COL20A1: variants seen among roughly 807,000 people sequenced by gnomAD.
COL20A1 encodes the protein collagen alpha-1(XX) chain.
COL20A1 carries 164 observed loss-of-function variants against 152.9 expected under a neutral mutation model. The observed-to-expected ratio is 1.07, with a 90% CI of 0.94 to 1.22. The LOEUF (loss-of-function observed/expected upper bound fraction) is 1.22. Ranked by LOEUF, COL20A1 falls within the 50% of genes most tolerant of loss-of-function variation. The pLI is 0.00. For missense variants in COL20A1, 1,873 were observed against 1,744.8 expected (o/e 1.07, Z -1.31); for synonymous variants, 864 against 756.0 (o/e 1.14, Z -2.34).
intron 29 of COL20A1, 80 bp from the exon 30 acceptor site, chr20:63,326,016 T>G: frequency 7.9e-7 from 1 of 1,272,158 alleles, no homozygotes; most frequent in Non-Finnish European, 1.1e-6. Context: ...GTGTGTTGGG[T>G]GCTGCTGGGG....
In COL20A1 at chr20:63,319,400, C is replaced by A; in HGVS notation, c.2807-87C>A. 1 of 1,174,504 alleles carries A rather than the reference C, an allele frequency of 8.5e-7. No homozygotes were observed. The highest frequency in any genetic ancestry group is 2.2e-5 in the Admixed American group (1 of 46,178). The allele number at this position is 1,174,504 out of a possible 1,614,324, so 72.8% of individuals were successfully genotyped here. On this transcript the variant is annotated intron_variant, in intron 22 of 35. Coordinates refer to ENST00000358894, the MANE Select transcript of COL20A1 (RefSeq NM_020882.4). This position sits in a 1 kb window ranked among gnomAD's most constrained non-coding sequence, Gnocchi z 4.4. ...CAGCTTGGCACCCTCAGGGCTGCTCCTGTCCTGTCGTGGGGGCCGCCCTGC... is the reference window on the plus strand; with the variant it reads ...CAGCTTGGCACCCTCAGGGCTGCTCATGTCCTGTCGTGGGGGCCGCCCTGC...
rs189188994 is a variant in COL20A1, at chr20:63,297,244, A to C, written c.83-666A>C. Reference sequence around the variant, plus strand: ...TTGTCCTGGGGACCCAGCCCAGGGGACTCAGCCCAGGGGCCCCAGCCCAGG... The same window carrying C: ...TTGTCCTGGGGACCCAGCCCAGGGGCCTCAGCCCAGGGGCCCCAGCCCAGG... On this transcript the variant is annotated intron_variant, in intron 2 of 35. Transcript: ENST00000358894. Among the ~76,000 whole-genome samples the C allele has an allele frequency of 7.4e-3, 1,112 of 151,284 alleles. 18 individuals are homozygous for C. The highest frequency in any genetic ancestry group is 0.025 in the African/African-American group (1,048 of 41,154).
intron 27 of COL20A1, chr20:63,325,098 G>A (rs2068223564): frequency 1.2e-5 from 5 of 430,796 alleles, no homozygotes; most frequent in South Asian, 7.9e-5. Context: ...CCCTCCCAGG[G>A]TGAGCAGTGA....
At chr20:63,297,265 CCAGGGGACTTAGCT>C (rs1234873776) in intron 2 of COL20A1, among the ~76,000 whole-genome samples, 3 of 147,434 alleles carry the variant, frequency 2.0e-5, no homozygotes, top group African/African-American at 7.5e-5. Context: ...GGGCCCCAGC[CCAGGGGACTTAGCT>C]CAGGGGACCC....
Position 63,295,085 on chromosome 20 carries a change from T to G in COL20A1, c.-10-13T>G. 6.5e-7 allele frequency: 1 copy of G among 1,527,660 alleles called. No homozygotes were observed. Among genetic ancestry groups the G allele is most frequent in the Non-Finnish European group, 8.9e-7 (1 of 1,129,378 alleles). 94.6% of individuals were successfully genotyped at this position (1,527,660 alleles called of 1,614,324 possible). A position where few individuals can be genotyped will look rare whatever the true frequency, so the allele number is the denominator to read the frequency against. The stretch of plus-strand genomic sequence containing the variant: ...GGGGACGGCTGAAGGGCATGGCCTC[T>G]TCCCTGCCACAGCCCGAGCACCATG... On this transcript the variant is annotated splice_polypyrimidine_tract_variant and intron_variant, in intron 1 of 35. Transcript: ENST00000358894.
At chr20:63,327,018 C>T (rs2068260086) in intron 31 of COL20A1, among the ~76,000 whole-genome samples, 195 bp downstream of exon 31, 1 of 152,110 alleles carries the variant, frequency 6.6e-6, no homozygotes, top group Admixed American at 6.5e-5. Flanking sequence ...TTCCTGTTGA[C>T]CCCCCTAGGG....
chr20:63,316,537 C>T lies in COL20A1; in HGVS notation c.2525-16C>T, dbSNP rs1184578242. 1 of 1,583,870 alleles carries T rather than the reference C, an allele frequency of 6.3e-7. No individual in the cohort carries two copies. The highest frequency in any genetic ancestry group is 2.3e-5 in the East Asian group (1 of 43,374). Reference sequence around the variant, plus strand: ...TGAGGGTCCCTCGGTGCCCCTTCCCCCACCATCTTCCCCAGGGTTTGACCT... The same window carrying T: ...TGAGGGTCCCTCGGTGCCCCTTCCCTCACCATCTTCCCCAGGGTTTGACCT... On this transcript the variant is annotated splice_polypyrimidine_tract_variant and intron_variant, in intron 20 of 35. Coordinates refer to ENST00000358894, the MANE Select transcript of COL20A1 (RefSeq NM_020882.4).
intron 26 of COL20A1, among the ~76,000 whole-genome samples, chr20:63,321,822 T>C (rs1301978740): frequency 6.6e-6 from 1 of 152,154 alleles, no homozygotes; most frequent in Non-Finnish European, 1.5e-5. Context: ...CACAGCCTTG[T>C]CTACTCAGGG....
chr20:63,312,251 G>C (rs2068018719), intron 14 of COL20A1, among the ~76,000 whole-genome samples, 169 bp from the exon 15 acceptor site: 1 of 152,156 alleles, frequency 6.6e-6, no homozygotes. Context: ...GCCCACCCCA[G>C]CCGTCCTGCA....
rs753137491 is a variant in COL20A1, at chr20:63,310,482, C to T, written c.1365C>T (p.Gly455=). 7.6e-5 allele frequency: 122 copies of T among 1,604,110 alleles called. No individual in the cohort carries two copies. Among genetic ancestry groups the T allele is most frequent in the Admixed American group, 2.2e-4 (13 of 58,876 alleles). Residue 455 remains glycine (G), a synonymous_variant, in exon 11 of 36, where the codon GGC becomes GGT. Transcript: ENST00000358894. ...SVFPIYEGGV[G]EGLRGLVTTA... is the part of the protein sequence containing the mutation. The stretch of plus-strand genomic sequence containing the variant: ...TCCCCATCTATGAGGGCGGGGTTGG[C>T]GAAGGCCTGCGGGGCCTGGTGACCA...
chr20:63,308,856 G>A (rs1235316333), intron 8 of COL20A1, 150 bp downstream of exon 8: 2 of 746,300 alleles, frequency 2.7e-6, no homozygotes, highest in Non-Finnish European at 4.2e-6. Context: ...GCACCGCCTG[G>A]CACTCAGAGG....
In COL20A1 at chr20:63,326,797, G is replaced by T; in HGVS notation, c.3502G>T (p.Gly1168Ter). 6.7e-7 allele frequency: 1 copy of T among 1,500,298 alleles called. No individual in the cohort carries two copies. Among genetic ancestry groups the T allele is most frequent in the East Asian group, 2.7e-5 (1 of 36,872 alleles). 92.9% of individuals were successfully genotyped at this position (1,500,298 alleles called of 1,614,324 possible). The part of the protein sequence containing the change: ...AGARGTSGER[G>*]PPGTVGPTGL... ...GGCCAGGGGCACTAGTGGAGAGCGA[G>T]GACCTCCAGGGACCGTGGGGCCCAC... Residue 1168 changes from glycine to a stop codon, truncating the protein, a stop_gained, in exon 31 of 36, where the codon GGA becomes TGA. Coordinates refer to ENST00000358894, the MANE Select transcript of COL20A1 (RefSeq NM_020882.4). LOFTEE classifies it high-confidence loss of function.
At chr20:63,328,586 T>C in intron 34 of COL20A1, 88 bp downstream of exon 34, 1 of 1,274,908 alleles carries the variant, frequency 7.8e-7, no homozygotes, top group Non-Finnish European at 1.1e-6. Context: ...CTTCAATCTG[T>C]GTCAGCACAG....
In COL20A1 at chr20:63,319,424, G is replaced by C. The variant is rs1479870603; in HGVS notation, c.2807-63G>C. 7.5e-7 allele frequency: 1 copy of C among 1,333,506 alleles called. No homozygotes were observed. The highest frequency in any genetic ancestry group is 2.5e-5 in the East Asian group (1 of 39,794). 82.6% of individuals were successfully genotyped at this position (1,333,506 alleles called of 1,614,324 possible). Reference sequence around the variant, plus strand: ...CCTGTCCTGTCGTGGGGGCCGCCCTGCTCAAGGTATAGGCCCGGCTGGTTG... The same window carrying C: ...CCTGTCCTGTCGTGGGGGCCGCCCTCCTCAAGGTATAGGCCCGGCTGGTTG... On this transcript the variant is annotated intron_variant, in intron 22 of 35. Coordinates refer to ENST00000358894, the MANE Select transcript of COL20A1 (RefSeq NM_020882.4). The surrounding 1 kb of genome is among the most constrained non-coding windows in gnomAD (Gnocchi z 4.4).
rs1338896838 is a variant in COL20A1 at position 63,309,473 on chromosome 20, G to T, written c.1081G>T (p.Gly361Cys). 2 of 1,530,324 alleles carry T rather than the reference G, an allele frequency of 1.3e-6. No homozygotes were observed. The highest frequency in any genetic ancestry group is 1.4e-5 in the African/African-American group (1 of 72,216). The allele number at this position is 1,530,324 out of a possible 1,614,324, so 94.8% of individuals were successfully genotyped here. A position where few individuals can be genotyped will look rare whatever the true frequency, so the allele number is the denominator to read the frequency against. ...LSRLICQRLQ[G>C]GSPRQGPAAA... ...CCGTCTCATCTGCCAGAGGCTCCAGGGTGGGAGCCCGCGGCAGGGCCCAGG... is the reference window on the plus strand; with the variant it reads ...CCGTCTCATCTGCCAGAGGCTCCAGTGTGGGAGCCCGCGGCAGGGCCCAGG... The change falls in exon 9 of 36, where the codon GGT becomes TGT. Residue 361 changes from glycine to cysteine, a missense_variant. Physicochemically the swap from Gly to Cys is radical, Grantham distance 159. Coordinates refer to ENST00000358894, the MANE Select transcript of COL20A1 (RefSeq NM_020882.4).
chr20:63,319,956 C>A lies in COL20A1; in HGVS notation c.2917-83C>A. On this transcript the variant is annotated intron_variant, in intron 23 of 35. Transcript: ENST00000358894. This position sits in a 1 kb window ranked among gnomAD's most constrained non-coding sequence, Gnocchi z 4.4. Reference sequence around the variant, plus strand: ...CCAGGTCCCAGGGATGGGTGTTACTCCCCAGCCCTGGCCTGGCCTTGGGGG... The same window carrying A: ...CCAGGTCCCAGGGATGGGTGTTACTACCCAGCCCTGGCCTGGCCTTGGGGG... The A allele has an allele frequency of 7.7e-7, 1 of 1,305,670 alleles. No individual in the cohort carries two copies. The allele number at this position is 1,305,670 out of a possible 1,614,324, so 80.9% of individuals were successfully genotyped here.
rs558502359 is a variant in COL20A1, at chr20:63,325,174, C to T, written c.3295-267C>T. 265 of 633,800 alleles carry T rather than the reference C, an allele frequency of 4.2e-4. 1 individual carries two copies. The highest frequency in any genetic ancestry group is 6.5e-4 in the Non-Finnish European group (227 of 346,952). The allele number at this position is 633,800 out of a possible 1,614,324, so 39.3% of individuals were successfully genotyped here. ...CCATGTCGGTCTGGGTCTGAATGCC[C>T]AGAGGGCTGGGAGGGCTGGCTGTGA... On this transcript the variant is annotated intron_variant, in intron 27 of 35. Transcript: ENST00000358894.
intron 3 of COL20A1, among the ~76,000 whole-genome samples, chr20:63,302,990 G>A (rs1233211312): frequency 6.6e-6 from 1 of 152,206 alleles, no homozygotes; most frequent in Non-Finnish European, 1.5e-5. Flanking sequence ...GGTACATAAT[G>A]TCTGGTGTGT....
At chr20:63,326,515 C>T (rs995988525) in intron 30 of COL20A1, among the ~76,000 whole-genome samples, 5 of 151,344 alleles carry the variant, frequency 3.3e-5, no homozygotes, top group African/African-American at 1.2e-4. Context: ...CAGCTGGGGA[C>T]GTTTAGAGCA....
Sources: allele counts gnomAD v4.1 joint callset (sites outside exome capture counted in the v4.1 genomes callset), GRCh38; gene constraint gnomAD v4.1.1; non-coding constraint Gnocchi (gnomAD v3.1); transcripts MANE v1.5; gene names NCBI Gene and HGNC (gene_info 2026-07-23, HGNC 2026-07-21).